ZNF469: variants seen among roughly 807,000 people sequenced by gnomAD.
The protein encoded by ZNF469 is zinc finger protein 469.
ZNF469 carries 1 observed loss-of-function variant against 1.0 expected under a neutral mutation model. That is an observed-to-expected ratio of 1.00 (90% CI 0.35 to 4.73). The LOEUF is 4.73. Ranked by LOEUF, ZNF469 falls within the 30% of genes most tolerant of loss-of-function variation. The probability of loss-of-function intolerance (pLI) is 0.16; values close to 1 mark genes in which losing one functional copy is unlikely to be tolerated. For synonymous variants in ZNF469, 2,703 were observed against 2,363.4 expected (o/e 1.14, Z -4.17); for missense variants, 6,100 against 5,356.3 (o/e 1.14, Z -4.33).
the ZNF469 span, among the ~76,000 whole-genome samples, chr16:88,170,468 C>T: frequency 6.6e-6 from 1 of 152,200 alleles, no homozygotes; most frequent in South Asian, 2.1e-4. The surrounding 1 kb of genome is among the most constrained non-coding windows in gnomAD (Gnocchi z 4.2). Flanking sequence ...CCAGCAACCA[C>T]GGCTCTACTC....
chr16:88,329,827 A>T, the ZNF469 span, among the ~76,000 whole-genome samples: 1 of 152,234 alleles, frequency 6.6e-6, no homozygotes, highest in African/African-American at 2.4e-5. Context: ...TGGGATGCAG[A>T]CGCCTTCACA....
chr16:88,427,760 C>G lies in ZNF469; in HGVS notation c.290C>G (p.Pro97Arg). Residue 97 changes from proline to arginine, a missense_variant, in exon 3 of 3, where the codon CCG (proline) becomes CGG (arginine). Physicochemically the swap from Pro to Arg is moderately radical, Grantham distance 103. Transcript: ENST00000565624. ...PGKRGSPQTP[P>R]GRSPLQAPSR... ...AAGAGGGGCAGCCCCCAGACCCCACCGGGGAGAAGCCCCTTGCAGGCTCCC... is the reference window on the plus strand; with the variant it reads ...AAGAGGGGCAGCCCCCAGACCCCACGGGGGAGAAGCCCCTTGCAGGCTCCC... 6.5e-7 allele frequency: 1 copy of G among 1,544,826 alleles called. No homozygotes were observed. The highest frequency in any genetic ancestry group is 8.7e-7 in the Non-Finnish European group (1 of 1,146,424).
chr16:88,393,710 C>T (rs1429228271), intron 1 of ZNF469, among the ~76,000 whole-genome samples: 1 of 152,238 alleles, frequency 6.6e-6, no homozygotes, highest in Non-Finnish European at 1.5e-5. Flanking sequence ...CCTGGTATCA[C>T]AAGTCCTGCC....
At position 88,430,350 on chromosome 16, in the gene ZNF469, G is replaced by C. The variant is rs757944441; in HGVS notation, c.2880G>C (p.Ser960=). ...QLKLFRKDLD[S]GGAAEGSGSG... is the part of the protein sequence containing the mutation. Reference sequence around the variant, plus strand: ...AGCTGTTCCGGAAGGATCTGGACTCGGGCGGCGCAGCAGAGGGGTCGGGGT... The same window carrying C: ...AGCTGTTCCGGAAGGATCTGGACTCCGGCGGCGCAGCAGAGGGGTCGGGGT... Residue 960 remains serine (S), a synonymous_variant, in exon 3 of 3, where the codon TCG becomes TCC. Coordinates refer to ENST00000565624, the MANE Select transcript of ZNF469 (RefSeq NM_001367624.2). The C allele has an allele frequency of 9.3e-6, 14 of 1,513,090 alleles. No homozygotes were observed. Among genetic ancestry groups the C allele is most frequent in the Admixed American group, 8.4e-5 (4 of 47,860 alleles). 93.7% of individuals were successfully genotyped at this position (1,513,090 alleles called of 1,614,324 possible).
chr16:88,297,502 G>A, the ZNF469 span, among the ~76,000 whole-genome samples: 177 of 152,274 alleles, frequency 1.2e-3, no homozygotes, highest in African/African-American at 4.0e-3. Context: ...CCTCACTGCC[G>A]CTGAGTCTCT....
intron 1 of ZNF469, among the ~76,000 whole-genome samples, 148 bp downstream of exon 1, chr16:88,383,402 C>T (rs938485794): frequency 1.4e-5 from 2 of 147,794 alleles, no homozygotes; most frequent in Non-Finnish European, 1.5e-5. Flanking sequence ...CGGGGCCGGA[C>T]CCTCCCAGCG....
the ZNF469 span, among the ~76,000 whole-genome samples, chr16:88,257,942 C>T: frequency 1.3e-5 from 2 of 152,212 alleles, no homozygotes; most frequent in South Asian, 2.1e-4. Context: ...ATAGAATGTG[C>T]GTCCAGAAGC....
the ZNF469 span, among the ~76,000 whole-genome samples, chr16:88,179,480 G>A: frequency 6.6e-6 from 1 of 152,192 alleles, no homozygotes; most frequent in Non-Finnish European, 1.5e-5. Flanking sequence ...TGTACAGCCT[G>A]CAGAACTGTG....
At position 88,438,719 on chromosome 16, in the gene ZNF469, C is replaced by G. The variant is rs1469917910; in HGVS notation, c.11249C>G (p.Pro3750Arg). The G allele has an allele frequency of 1.3e-6, 2 of 1,549,930 alleles. No homozygotes were observed. The highest frequency in any genetic ancestry group is 1.7e-6 in the Non-Finnish European group (2 of 1,146,856). ...PGTKTGGGSQPQPASGQLQSE... is the reference protein window; with the variant it reads ...PGTKTGGGSQRQPASGQLQSE... ...ACCAAGACAGGAGGTGGCAGCCAGCCCCAGCCAGCCAGCGGGCAGCTCCAG... is the reference window on the plus strand; with the variant it reads ...ACCAAGACAGGAGGTGGCAGCCAGCGCCAGCCAGCCAGCGGGCAGCTCCAG... Residue 3750 changes from proline (P) to arginine (R), a missense_variant, in exon 3 of 3, where the codon CCC becomes CGC. Physicochemically the swap from Pro to Arg is moderately radical, Grantham distance 103. Coordinates refer to ENST00000565624, the MANE Select transcript of ZNF469 (RefSeq NM_001367624.2).
chr16:88,410,825 A>T (rs1026140957), intron 1 of ZNF469, among the ~76,000 whole-genome samples: 1 of 152,130 alleles, frequency 6.6e-6, no homozygotes, highest in African/African-American at 2.4e-5. Context: ...GTCATGGTGA[A>T]GTTTGCAGTG....
At chr16:88,201,079 C>T in the ZNF469 span, among the ~76,000 whole-genome samples, 2 of 152,222 alleles carry the variant, frequency 1.3e-5, no homozygotes, top group South Asian at 4.1e-4. The surrounding 1 kb of genome is among the most constrained non-coding windows in gnomAD (Gnocchi z 5.0). Flanking sequence ...GGATCCTCAC[C>T]CCGCAGGTCC....
At chr16:88,338,225 C>CAATCG in the ZNF469 span, among the ~76,000 whole-genome samples, 2 of 152,170 alleles carry the variant, frequency 1.3e-5, no homozygotes, top group Admixed American at 1.3e-4. Flanking sequence ...CCTCTGGCTC[C>CAATCG]CGGAAGGCAG....
upstream of ZNF469, among the ~76,000 whole-genome samples, chr16:88,381,166 C>CCTCACACACAGACATGCA (rs2092523195): frequency 1.1e-5 from 1 of 93,352 alleles, no homozygotes; most frequent in East Asian, 3.9e-4. Context: ...ACAGACACGC[C>CCTCACACACAGACATGCA]CTCACACACA....
At chr16:88,252,244 C>G in the ZNF469 span, among the ~76,000 whole-genome samples, 1 of 144,460 alleles carries the variant, frequency 6.9e-6, no homozygotes, top group South Asian at 2.2e-4. Context: ...TGCATATGCA[C>G]AGTCTAATTG....
chr16:88,368,009 T>C, the ZNF469 span, among the ~76,000 whole-genome samples: 1 of 152,194 alleles, frequency 6.6e-6, no homozygotes, highest in African/African-American at 2.4e-5. Context: ...CCACTCCAGA[T>C]GAGTGTCCTC....
the ZNF469 span, among the ~76,000 whole-genome samples, chr16:88,345,372 A>T: frequency 4.6e-5 from 7 of 152,182 alleles, no homozygotes; most frequent in Admixed American, 4.6e-4. Context: ...TTTTAATTGT[A>T]CCTAATTTCA....
the ZNF469 span, among the ~76,000 whole-genome samples, chr16:88,377,595 C>T: frequency 6.6e-6 from 1 of 152,212 alleles, no homozygotes; most frequent in East Asian, 1.9e-4. Context: ...CGGGCTCAGC[C>T]GGGCTCCAGG....
At chr16:88,360,581 C>T in the ZNF469 span, among the ~76,000 whole-genome samples, 666 of 114,706 alleles carry the variant, frequency 5.8e-3, 29 homozygotes, top group African/African-American at 0.026. Context: ...CATGCTCCCT[C>T]GAAGGCAGTC....
At chr16:88,157,687 G>A in the ZNF469 span, among the ~76,000 whole-genome samples, 59 of 152,330 alleles carry the variant, frequency 3.9e-4, no homozygotes, top group African/African-American at 1.4e-3. Context: ...GGCTGGTGAA[G>A]AAATGCCCAG....
Sources: allele counts gnomAD v4.1 joint callset (sites outside exome capture counted in the v4.1 genomes callset), GRCh38; gene constraint gnomAD v4.1.1; non-coding constraint Gnocchi (gnomAD v3.1); transcripts MANE v1.5; gene names NCBI Gene and HGNC (gene_info 2026-07-23, HGNC 2026-07-21).